IGSF21: variants seen among roughly 807,000 people sequenced by gnomAD.
IGSF21 encodes immunoglobin superfamily member 21, also known as immunoglobulin superfamily member 21.
A neutral mutation model predicts 46.8 loss-of-function variants in IGSF21; 28 were observed. That is an observed-to-expected ratio of 0.60 (90% CI 0.44 to 0.82). IGSF21 has a LOEUF of 0.82. IGSF21 is among the 40% of genes least tolerant of loss of function. The pLI, the probability that IGSF21 is intolerant of heterozygous loss-of-function variation, is 0.00. For synonymous variants in IGSF21, 284 were observed against 273.6 expected, an observed-to-expected ratio of 1.04 and a Z score of -0.38; for missense variants, 624 against 665.5, an observed-to-expected ratio of 0.94 and a Z score of 0.69.
intron 2 of IGSF21, among the ~76,000 whole-genome samples, chr1:18,287,167 C>T (rs1261013779): frequency 1.3e-4 from 15 of 118,018 alleles, no homozygotes; most frequent in South Asian, 1.2e-3. Flanking sequence ...GGCGACAGAG[C>T]GAGACTCCGT....
rs528503501 is a variant in IGSF21 at position 18,334,700 on chromosome 1, T to A, written c.306-192T>A. On this transcript the variant is annotated intron_variant, in intron 3 of 9. Coordinates refer to ENST00000251296, the MANE Select transcript of IGSF21 (RefSeq NM_032880.5). This position sits in a 1 kb window ranked among gnomAD's most constrained non-coding sequence, Gnocchi z 4.3. ...GGCTGAACACAGTCCACACCTTCAC[T>A]GTCTGAGATGCCGAGCACAGGGTCT... Among the ~76,000 whole-genome samples, 2 of 152,292 alleles carry A rather than the reference T, an allele frequency of 1.3e-5. No homozygotes were observed. The highest frequency in any genetic ancestry group is 3.9e-4 in the East Asian group (2 of 5,170).
At chr1:18,241,554 G>A (rs2084728162) in intron 2 of IGSF21, among the ~76,000 whole-genome samples, 1 of 152,188 alleles carries the variant, frequency 6.6e-6, no homozygotes, top group African/African-American at 2.4e-5. Context: ...TCCCATTGAA[G>A]GCCATAAATA....
At chr1:18,121,389 G>A (rs1009739865) in intron 1 of IGSF21, among the ~76,000 whole-genome samples, 2 of 152,132 alleles carry the variant, frequency 1.3e-5, no homozygotes, top group Non-Finnish European at 2.9e-5. Flanking sequence ...TACTAAGTTG[G>A]CTGAGGTGGC....
At chr1:18,369,364 A>G (rs1242356301) in intron 6 of IGSF21, among the ~76,000 whole-genome samples, 1 of 152,230 alleles carries the variant, frequency 6.6e-6, no homozygotes, top group African/African-American at 2.4e-5. Flanking sequence ...TTAAACCTGC[A>G]GTGAACCTGT....
chr1:18,357,275 G>T (rs116024927), intron 4 of IGSF21, among the ~76,000 whole-genome samples: 1,736 of 150,028 alleles, frequency 0.012, 32 homozygotes, highest in African/African-American at 0.04. Flanking sequence ...AACAGGGAAG[G>T]AGATGGAGAT....
intron 1 of IGSF21, among the ~76,000 whole-genome samples, chr1:18,149,737 T>C (rs9727948): frequency 0.39 from 58,979 of 151,476 alleles, 11,921 homozygotes; most frequent in East Asian, 0.58. Context: ...ATCTCTAGAC[T>C]CTGGCTCCAT....
At chr1:18,120,119 G>C (rs1267629955) in intron 1 of IGSF21, among the ~76,000 whole-genome samples, 4 of 152,232 alleles carry the variant, frequency 2.6e-5, no homozygotes, top group African/African-American at 9.6e-5. Flanking sequence ...AGCCTGGAGC[G>C]TCTGAGGAGG....
chr1:18,145,609 C>T (rs1020886315), intron 1 of IGSF21, among the ~76,000 whole-genome samples: 2 of 152,012 alleles, frequency 1.3e-5, no homozygotes, highest in South Asian at 2.1e-4. Flanking sequence ...CCTCTTGCCA[C>T]AACAACACAG....
intron 1 of IGSF21, among the ~76,000 whole-genome samples, chr1:18,131,891 G>A (rs984891884): frequency 6.6e-6 from 1 of 152,212 alleles, no homozygotes; most frequent in African/African-American, 2.4e-5. Context: ...GGAGAGACTG[G>A]GAAATGTATC....
At chr1:18,307,555 G>A (rs550146814) in intron 3 of IGSF21, among the ~76,000 whole-genome samples, 4 of 152,220 alleles carry the variant, frequency 2.6e-5, no homozygotes, top group Admixed American at 1.3e-4. Flanking sequence ...CAGCTGAGCC[G>A]GGATTCAAAC....
At chr1:18,243,976 A>G (rs2084758869) in intron 2 of IGSF21, among the ~76,000 whole-genome samples, 1 of 152,110 alleles carries the variant, frequency 6.6e-6, no homozygotes, top group Non-Finnish European at 1.5e-5. Flanking sequence ...AATAGCACTG[A>G]CCTCGTGGAG....
rs544545365 is a variant in IGSF21, at chr1:18,360,279, G to A, written c.425-1836G>A. On this transcript the variant is annotated intron_variant, in intron 4 of 9. Transcript: ENST00000251296. ...TACCATCTGTTTTATGCGATCTTAC[G>A]CTTAATTACAATTCTCCAACTATTG... Among the ~76,000 whole-genome samples the A allele has an allele frequency of 5.3e-5, 8 of 152,218 alleles. No individual in the cohort carries two copies. In the East Asian group the frequency reaches 5.8e-4, roughly 11 times the overall value.
intron 4 of IGSF21, among the ~76,000 whole-genome samples, chr1:18,340,733 G>T (rs1312482352): frequency 6.6e-6 from 1 of 152,094 alleles, no homozygotes; most frequent in East Asian, 1.9e-4. Context: ...ATCCTTCCTT[G>T]TCCCTCTGCT....
intron 1 of IGSF21, among the ~76,000 whole-genome samples, chr1:18,187,430 T>A (rs542922474): frequency 6.6e-6 from 1 of 152,184 alleles, no homozygotes; most frequent in Non-Finnish European, 1.5e-5. Context: ...GGCCTCATAA[T>A]CATGGTGGAA....
chr1:18,151,666 G>A (rs1314863182), intron 1 of IGSF21, among the ~76,000 whole-genome samples: 1 of 152,020 alleles, frequency 6.6e-6, no homozygotes, highest in Non-Finnish European at 1.5e-5. Context: ...CCAGGCCTGG[G>A]CGACACTTAT....
chr1:18,283,665 C>T (rs1452107575), intron 2 of IGSF21, among the ~76,000 whole-genome samples: 1 of 152,130 alleles, frequency 6.6e-6, no homozygotes, highest in East Asian at 1.9e-4. Flanking sequence ...CTCACCTCTT[C>T]CCTCAACACC....
At position 18,376,316 on chromosome 1, in the gene IGSF21, C is replaced by A. The variant is rs1260142042; in HGVS notation, c.1022C>A (p.Pro341His). 6.2e-7 allele frequency: 1 copy of A among 1,613,402 alleles called. No homozygotes were observed. The highest frequency in any genetic ancestry group is 8.5e-7 in the Non-Finnish European group (1 of 1,179,404). The part of the protein sequence containing the change: ...PMQAEVTLVA[P>H]KGPKIVMTPS... ...GGCCTTTCTCTCCCTACAGTTGCCC[C>A]CAAAGGACCCAAAATTGTGATGACG... Residue 341 changes from proline (P) to histidine (H), a missense_variant, in exon 7 of 10, where the codon CCC becomes CAC. Physicochemically the swap from Pro to His is moderately conservative, Grantham distance 77. Transcript: ENST00000251296.
chr1:18,227,914 C>A lies in IGSF21; in HGVS notation c.87C>A (p.Asn29Lys). 6.2e-7 allele frequency: 1 copy of A among 1,613,950 alleles called. No homozygotes were observed. The highest frequency in any genetic ancestry group is 1.1e-5 in the South Asian group (1 of 91,076). The change falls in exon 2 of 10, where the codon AAC becomes AAA. Residue 29 changes from asparagine to lysine, a missense_variant. By Grantham distance (94) the Asn-to-Lys change is moderately conservative. Transcript: ENST00000251296. Reference protein sequence around the residue: ...LDLARGYLTVNIEPLPPVVAG... With the variant: ...LDLARGYLTVKIEPLPPVVAG... ...CTTCTGTAGGCTACCTGACAGTCAA[C>A]ATTGAGCCTCTCCCCCCTGTGGTGG...
chr1:18,172,443 C>T lies in IGSF21; in HGVS notation c.71-55455C>T, dbSNP rs114395237. 3.5e-3 allele frequency among the ~76,000 whole-genome samples: 537 copies of T among 152,276 alleles called. 1 individual carries two copies. Among genetic ancestry groups the T allele is most frequent in the Admixed American group, 6.4e-3 (98 of 15,290 alleles). ...TGGCTTAAACAACAGAATTTGATTTCCTCACAGTTCTGGAGGCTGGAAGTC... is the reference window on the plus strand; with the variant it reads ...TGGCTTAAACAACAGAATTTGATTTTCTCACAGTTCTGGAGGCTGGAAGTC... On this transcript the variant is annotated intron_variant, in intron 1 of 9. Coordinates refer to ENST00000251296, the MANE Select transcript of IGSF21 (RefSeq NM_032880.5).
Sources: allele counts gnomAD v4.1 joint callset (sites outside exome capture counted in the v4.1 genomes callset), GRCh38; gene constraint gnomAD v4.1.1; non-coding constraint Gnocchi (gnomAD v3.1); transcripts MANE v1.5; gene names NCBI Gene and HGNC (gene_info 2026-07-23, HGNC 2026-07-21).